Variants in CDKL2 observed in about 807,000 individuals in gnomAD.
CDKL2 encodes cyclin dependent kinase like 2, also known as cyclin-dependent kinase-like 2.
In CDKL2, 64 loss-of-function variants were observed where a neutral mutation model predicts 63.9. The ratio of observed to expected loss-of-function variants is 1.00; its 90% CI spans 0.82 to 1.23. CDKL2 has a LOEUF of 1.23. CDKL2 is among the 50% of genes most tolerant of loss of function. CDKL2 has a pLI of 0.00. For synonymous variants in CDKL2, 211 were observed against 229.2 expected, an observed-to-expected ratio of 0.92 and a Z score of 0.72; for missense variants, 656 against 668.0, an observed-to-expected ratio of 0.98 and a Z score of 0.20.
chr4:75,602,987 C>CTTTTT (rs1165939407), intron 6 of CDKL2, among the ~76,000 whole-genome samples: 24 of 87,468 alleles, frequency 2.7e-4, no homozygotes, highest in African/African-American at 3.6e-4. Context: ...TAAATGGTTT[C>CTTTTT]TTTTTTTTTT....
chr4:75,605,200 G>T (rs550376395), intron 5 of CDKL2, among the ~76,000 whole-genome samples: 2 of 151,774 alleles, frequency 1.3e-5, no homozygotes, highest in African/African-American at 4.8e-5. Context: ...CTAAAAATAC[G>T]AAATTAGCTG....
intron 10 of CDKL2, 139 bp from the exon 11 acceptor site, chr4:75,592,408 A>G (rs1263112934): frequency 1.7e-6 from 1 of 589,616 alleles, no homozygotes; most frequent in African/African-American, 1.9e-5. Flanking sequence ...GGACATTAAT[A>G]ATACAAAAAA....
In CDKL2 at chr4:75,602,933, T is replaced by G. The variant is rs532172648; in HGVS notation, c.795+884A>C. Among the ~76,000 whole-genome samples, 93 of 152,292 alleles carry G rather than the reference T, an allele frequency of 6.1e-4. 1 individual carries two copies. The highest frequency in any genetic ancestry group is 9.1e-4 in the Non-Finnish European group (62 of 68,024). On this transcript the variant is annotated intron_variant, in intron 6 of 13. Transcript: ENST00000307465. ...AGTGTTTTTATGTTTTTAATGTGTT[T>G]TTCAGTGAGGATGTTTTCACATTTA...
At chr4:75,587,678 CG>C (rs1728531746) in intron 12 of CDKL2, among the ~76,000 whole-genome samples, 1 of 151,752 alleles carries the variant, frequency 6.6e-6, no homozygotes. Context: ...CCGAGACGGG[CG>C]GATCACGAGA....
chr4:75,597,280 G>T, intron 8 of CDKL2, 44 bp from the exon 9 acceptor site: 1 of 1,281,410 alleles, frequency 7.8e-7, no homozygotes, highest in Non-Finnish European at 1.1e-6. Context: ...GATCTGAAGA[G>T]AATGAAAATT....
intron 10 of CDKL2, chr4:75,596,025 GAAGGAAGA>G (rs201160583): frequency 0.037 from 1,639 of 44,644 alleles, 132 homozygotes; most frequent in East Asian, 0.13. Context: ...AGGAAGGAAG[GAAGGAAGA>G]AAGGAAGGAA....
Position 75,607,209 on chromosome 4 carries a change from T to C in CDKL2, c.516A>G (p.Leu172=), listed in dbSNP as rs753843819. The part of the protein sequence containing the change: ...VATRWYRAPE[L]LVGDVKYGKA... ...TGCCATACTTGACATCACCAACCAA[T>C]AGTTCTGGAGCTCTGTACCATCGGG... is the stretch of plus-strand genomic sequence containing the variant. The change falls in exon 4 of 14, where the codon CTA becomes CTG. Residue 172 remains leucine (L), a synonymous_variant. Transcript: ENST00000307465. The C allele has an allele frequency of 1.9e-6, 3 of 1,610,582 alleles. No homozygotes were observed. Among genetic ancestry groups the C allele is most frequent in the South Asian group, 2.2e-5 (2 of 90,596 alleles).
At position 75,578,090 on chromosome 4, in the gene CDKL2, A is replaced by G. The variant is rs1285422603; in HGVS notation, c.*1112T>C. 3 of 152,156 alleles carry G rather than the reference A, an allele frequency of 2.0e-5. No individual in the cohort carries two copies. Among genetic ancestry groups the G allele is most frequent in the African/African-American group, 7.2e-5 (3 of 41,410 alleles). 9.4% of individuals were successfully genotyped at this position (152,156 alleles called of 1,614,324 possible). A position where few individuals can be genotyped will look rare whatever the true frequency, so the allele number is the denominator to read the frequency against. On this transcript the variant is annotated 3_prime_UTR_variant, in exon 14 of 14. Transcript: ENST00000307465. ...CATGTGTAGAAACCCAGAAATCAAG[A>G]ACCTGTAGCCAACTTAGTTTATTCC...
Position 75,578,778 on chromosome 4 carries a change from AG to A in CDKL2, c.*423del, listed in dbSNP as rs778049271. 6.5e-5 allele frequency: 10 copies of A among 152,692 alleles called. No homozygotes were observed. The highest frequency in any genetic ancestry group is 2.0e-4 in the Admixed American group (3 of 15,280). 9.5% of individuals were successfully genotyped at this position (152,692 alleles called of 1,614,324 possible). A position where few individuals can be genotyped will look rare whatever the true frequency, so the allele number is the denominator to read the frequency against. On this transcript the variant is annotated 3_prime_UTR_variant, in exon 14 of 14. Coordinates refer to ENST00000307465, the MANE Select transcript of CDKL2 (RefSeq NM_001330724.2). ...CCTAAATAAATGTACACATTTATAC[AG>A]AAAACACACAAAGTTCAATGCATGA...
intron 10 of CDKL2, among the ~76,000 whole-genome samples, chr4:75,595,427 C>A (rs577686177): frequency 1.3e-5 from 2 of 152,056 alleles, no homozygotes; most frequent in Non-Finnish European, 2.9e-5. Context: ...GTTGCTCAAG[C>A]TTGTCTCAAA....
chr4:75,630,271 C>T lies in CDKL2; in HGVS notation c.-259G>A, dbSNP rs1730624710. On this transcript the variant is annotated 5_prime_UTR_variant, in exon 1 of 14. Coordinates refer to ENST00000307465, the MANE Select transcript of CDKL2 (RefSeq NM_001330724.2). ...AGCTCACACTTAGGAGGACCACGGG[C>T]CGCATGCTGTCGTCGTCAAGGCAAC... The T allele has an allele frequency of 6.5e-6, 1 of 152,714 alleles. No homozygotes were observed. Among genetic ancestry groups the T allele is most frequent in the Non-Finnish European group, 1.5e-5 (1 of 68,116 alleles). 9.5% of individuals were successfully genotyped at this position (152,714 alleles called of 1,614,324 possible).
chr4:75,608,006 G>A (rs1162250009), intron 3 of CDKL2, among the ~76,000 whole-genome samples: 1 of 150,912 alleles, frequency 6.6e-6, no homozygotes, highest in African/African-American at 2.4e-5. Context: ...TACAGACGGC[G>A]TTTCACCGTG....
chr4:75,581,168 A>G (rs1409864430), intron 13 of CDKL2, among the ~76,000 whole-genome samples: 4 of 152,234 alleles, frequency 2.6e-5, no homozygotes, highest in Admixed American at 2.6e-4. Context: ...ATAGATTATC[A>G]TGAAGCTGAA....
In CDKL2 at chr4:75,619,577, TAAA is replaced by T. The variant is rs71203836; in HGVS notation, c.169-5131_169-5129del. ...ACATGGTGATGGGCTCACAGCTGTA[TAAA>T]AAAAAAAAAAAAAAAAAAAAAAGCA... On this transcript the variant is annotated intron_variant, in intron 2 of 13. Coordinates refer to ENST00000307465, the MANE Select transcript of CDKL2 (RefSeq NM_001330724.2). Among the ~76,000 whole-genome samples the T allele has an allele frequency of 3.3e-4, 26 of 78,162 alleles. No individual in the cohort carries two copies. The South Asian group carries it at 3.4e-3, about 10-fold the overall frequency. The allele number at this position is 78,162 out of a possible 152,430, so 51.3% of individuals were successfully genotyped here.
intron 2 of CDKL2, among the ~76,000 whole-genome samples, chr4:75,621,607 C>T (rs1056557601): frequency 6.6e-6 from 1 of 152,060 alleles, no homozygotes; most frequent in South Asian, 2.1e-4. Flanking sequence ...ATGATCATAG[C>T]ACACCACAGT....
intron 12 of CDKL2, 22 bp from the exon 13 acceptor site, chr4:75,581,920 T>C: frequency 6.5e-7 from 1 of 1,531,588 alleles, no homozygotes; most frequent in Non-Finnish European, 9.0e-7. Context: ...TAATAGAGCA[T>C]CATAGGTTCT....
At chr4:75,624,236 A>T (rs1385440634) in intron 2 of CDKL2, among the ~76,000 whole-genome samples, 1 of 152,126 alleles carries the variant, frequency 6.6e-6, no homozygotes, top group Non-Finnish European at 1.5e-5. Context: ...ACTCTTATTA[A>T]TTTCAAATAA....
At chr4:75,592,639 C>T (rs555267549) in intron 10 of CDKL2, among the ~76,000 whole-genome samples, 60 of 152,336 alleles carry the variant, frequency 3.9e-4, no homozygotes, top group Middle Eastern at 3.4e-3. Context: ...CAAATAGTTG[C>T]TGTTGTCTTC....
intron 2 of CDKL2, among the ~76,000 whole-genome samples, chr4:75,616,118 T>C (rs1182565438): frequency 1.3e-5 from 2 of 152,134 alleles, no homozygotes; most frequent in African/African-American, 2.4e-5. Context: ...AAGAAGTAAC[T>C]GTGTTATTTA....
Sources: allele counts gnomAD v4.1 joint callset (sites outside exome capture counted in the v4.1 genomes callset), GRCh38; gene constraint gnomAD v4.1.1; transcripts MANE v1.5; gene names NCBI Gene and HGNC (gene_info 2026-07-23, HGNC 2026-07-21).